Variants in NKD1 observed in about 807,000 individuals in gnomAD.
NKD1 encodes the protein NKD inhibitor of Wnt signaling pathway 1.
NKD1 carries 21 observed loss-of-function variants against 56.0 expected under a neutral mutation model. That is an observed-to-expected ratio of 0.38 (90% CI 0.27 to 0.54). The LOEUF (loss-of-function observed/expected upper bound fraction) is 0.54, where lower values mean the gene tolerates loss of function less well. Among genes scored for constraint, NKD1 ranks in the 20% least tolerant of loss-of-function variants. The pLI is 0.82. For synonymous variants in NKD1, 263 were observed against 265.7 expected, an observed-to-expected ratio of 0.99 and a Z score of 0.10; for missense variants, 578 against 642.7, an observed-to-expected ratio of 0.90 and a Z score of 1.09.
intron 3 of NKD1, among the ~76,000 whole-genome samples, chr16:50,592,590 C>T (rs962723477): frequency 2.0e-5 from 3 of 152,320 alleles, no homozygotes; most frequent in South Asian, 2.1e-4. Context: ...CGAGTTTAGC[C>T]GGCTGGGGAG....
At chr16:50,627,776 T>C (rs2151280342) in intron 6 of NKD1, among the ~76,000 whole-genome samples, 1 of 152,318 alleles carries the variant, frequency 6.6e-6, no homozygotes, top group Non-Finnish European at 1.5e-5. Flanking sequence ...AGGTTGATTT[T>C]CAAGCTAGAA....
intron 3 of NKD1, among the ~76,000 whole-genome samples, chr16:50,592,868 G>T (rs1304731554): frequency 6.6e-6 from 1 of 152,102 alleles, no homozygotes; most frequent in Non-Finnish European, 1.5e-5. Context: ...TGTAGGGACG[G>T]CATCCCTGGT....
chr16:50,611,798 T>C (rs1961854363), intron 4 of NKD1, among the ~76,000 whole-genome samples: 1 of 152,220 alleles, frequency 6.6e-6, no homozygotes. Flanking sequence ...GTGGCTCAAC[T>C]TCCTCACTGG....
At chr16:50,566,428 A>G (rs1596709554) in intron 3 of NKD1, among the ~76,000 whole-genome samples, 1 of 152,250 alleles carries the variant, frequency 6.6e-6, no homozygotes, top group African/African-American at 2.4e-5. Context: ...GCAAAAACCC[A>G]GGCGGAGCTC....
At chr16:50,571,067 C>T (rs1960872738) in intron 3 of NKD1, 1 of 911,226 alleles carries the variant, frequency 1.1e-6, no homozygotes, top group Non-Finnish European at 1.3e-6. Context: ...CCTGGGGCTG[C>T]CTTTGAAGGG....
At chr16:50,578,393 G>A (rs553105116) in intron 3 of NKD1, among the ~76,000 whole-genome samples, 194 of 152,154 alleles carry the variant, frequency 1.3e-3, no homozygotes, top group Non-Finnish European at 2.1e-3. Flanking sequence ...AGGAATATTT[G>A]GGGGCAGGTA....
chr16:50,548,908 C>G lies in NKD1; in HGVS notation c.58+159C>G, dbSNP rs1208665020. 13 of 856,532 alleles carry G rather than the reference C, an allele frequency of 1.5e-5. No individual in the cohort carries two copies. In the East Asian group the frequency reaches 1.5e-3, roughly 97 times the overall value. The allele number at this position is 856,532 out of a possible 1,614,324, so 53.1% of individuals were successfully genotyped here. A position where few individuals can be genotyped will look rare whatever the true frequency, so the allele number is the denominator to read the frequency against. Reference sequence around the variant, plus strand: ...CCCGCTCCCTGAGCAGCCTTCGCGCCCCCTCCTCTGTCCCTCCTACCCGCT... The same window carrying G: ...CCCGCTCCCTGAGCAGCCTTCGCGCGCCCTCCTCTGTCCCTCCTACCCGCT... On this transcript the variant is annotated intron_variant, in intron 2 of 9. Coordinates refer to ENST00000268459, the MANE Select transcript of NKD1 (RefSeq NM_033119.5).
chr16:50,628,239 T>G (rs1289478012), intron 6 of NKD1, among the ~76,000 whole-genome samples: 1 of 152,242 alleles, frequency 6.6e-6, no homozygotes, highest in Non-Finnish European at 1.5e-5. Context: ...TTCTGGCTTT[T>G]CTGTGTGACC....
At chr16:50,629,393 G>T (rs1463014561) in intron 6 of NKD1, among the ~76,000 whole-genome samples, 3 of 152,232 alleles carry the variant, frequency 2.0e-5, no homozygotes, top group African/African-American at 7.2e-5. Context: ...TTGCAAGTGA[G>T]TGGGGAGCCA....
chr16:50,548,531 C>T lies in NKD1; in HGVS notation c.-23C>T. ...GGGCCGGGCGCATGGCTTAGGGACG[C>T]TCCCGGCCGCCGCAGCCCCAGCATG... is the stretch of plus-strand genomic sequence containing the variant. On this transcript the variant is annotated 5_prime_UTR_variant, in exon 1 of 10. Transcript: ENST00000268459. 4 of 1,462,988 alleles carry T rather than the reference C, an allele frequency of 2.7e-6. No homozygotes were observed. The highest frequency in any genetic ancestry group is 3.6e-6 in the Non-Finnish European group (4 of 1,112,638). 90.6% of individuals were successfully genotyped at this position (1,462,988 alleles called of 1,614,324 possible).
At chr16:50,565,527 G>T (rs943832000) in intron 3 of NKD1, among the ~76,000 whole-genome samples, 9 of 151,860 alleles carry the variant, frequency 5.9e-5, no homozygotes, top group African/African-American at 2.2e-4. Flanking sequence ...AATAACAACA[G>T]TAACAACAAA....
Position 50,633,092 on chromosome 16 carries a change from C to G in NKD1, c.824-100C>G. 8.9e-7 allele frequency: 1 copy of G among 1,128,260 alleles called. No individual in the cohort carries two copies. The highest frequency in any genetic ancestry group is 3.2e-5 in the Admixed American group (1 of 31,410). 69.9% of individuals were successfully genotyped at this position (1,128,260 alleles called of 1,614,324 possible). A position where few individuals can be genotyped will look rare whatever the true frequency, so the allele number is the denominator to read the frequency against. On this transcript the variant is annotated intron_variant, in intron 9 of 9. Transcript: ENST00000268459. This position sits in a 1 kb window ranked among gnomAD's most constrained non-coding sequence, Gnocchi z 4.9. ...GCAGTCAGGGCATTGGGGGGTAGCT[C>G]TGGTTTTGGAGAACTGGGGGCGGGG...
intron 3 of NKD1, among the ~76,000 whole-genome samples, chr16:50,590,925 C>T (rs1961352896): frequency 6.6e-6 from 1 of 152,144 alleles, no homozygotes; most frequent in Non-Finnish European, 1.5e-5. Flanking sequence ...TCAAGTGATT[C>T]TTCTGCCTCA....
In NKD1 at chr16:50,633,441, T is replaced by C. The variant is rs752614757; in HGVS notation, c.1073T>C (p.Val358Ala). The C allele has an allele frequency of 1.2e-6, 2 of 1,610,548 alleles. No individual in the cohort carries two copies. Among genetic ancestry groups the C allele is most frequent in the South Asian group, 2.2e-5 (2 of 90,610 alleles). The change falls in exon 10 of 10, where the codon GTG becomes GCG. Residue 358 changes from valine (V) to alanine (A), a missense_variant. Val to Ala is a moderately conservative substitution (Grantham distance 64). Transcript: ENST00000268459. The surrounding 1 kb of genome is among the most constrained non-coding windows in gnomAD (Gnocchi z 4.9). ...AAGGCCCAGGGCAAGAGTGTGGGTG[T>C]GGGCCACGTGGCCAGAGGGGCAAGA... ...SPKAQGKSVG[V>A]GHVARGARNK...
At chr16:50,557,620 T>G (rs1960532124) in intron 3 of NKD1, 2 of 152,270 alleles carry the variant, frequency 1.3e-5, no homozygotes, top group Admixed American at 1.3e-4. Context: ...TCTTTGCTAA[T>G]GTGGTGTGTG....
chr16:50,627,551 C>T (rs1476162425), intron 6 of NKD1, among the ~76,000 whole-genome samples: 4 of 152,154 alleles, frequency 2.6e-5, no homozygotes, highest in Admixed American at 6.5e-5. Context: ...TTAGCCCTGA[C>T]GCCACCCCTC....
At position 50,623,671 on chromosome 16, in the gene NKD1, CTCAACTCATGTTTCTGAAGCTCAG is replaced by C. The variant is rs1962142761; in HGVS notation, c.367-1813_367-1790del. ...GACAGGTGGGACAAGTGGCCAGTTA[CTCAACTCATGTTTCTGAAGCTCAG>C]ACCCAAGCTGTCTTGGAAACAGGTA... On this transcript the variant is annotated intron_variant, in intron 5 of 9. Transcript: ENST00000268459. The surrounding 1 kb of genome is among the most constrained non-coding windows in gnomAD (Gnocchi z 4.1). Among the ~76,000 whole-genome samples, 5 of 151,856 alleles carry C rather than the reference CTCAACTCATGTTTCTGAAGCTCAG, an allele frequency of 3.3e-5. No homozygotes were observed. The highest frequency in any genetic ancestry group is 5.9e-5 in the Non-Finnish European group (4 of 68,006).
intron 3 of NKD1, among the ~76,000 whole-genome samples, chr16:50,593,568 C>CCTGA (rs1469877166): frequency 6.6e-6 from 1 of 152,160 alleles, no homozygotes; most frequent in East Asian, 1.9e-4. Context: ...TGTGCCCGGC[C>CCTGA]CTGACCAGTC....
At chr16:50,548,823 C>G (rs1368044827) in intron 2 of NKD1, 74 bp downstream of exon 2, 1 of 1,325,210 alleles carries the variant, frequency 7.5e-7, no homozygotes, top group Non-Finnish European at 9.6e-7. Flanking sequence ...CGGCCCAGCC[C>G]GCCAGGTCTT....
Sources: gnomAD v4.1 joint callset for allele counts (sites outside exome capture counted in the v4.1 genomes callset) on GRCh38, gnomAD v4.1.1 for gene constraint, Gnocchi (gnomAD v3.1) non-coding constraint, MANE v1.5 for transcripts, NCBI Gene and HGNC (gene_info 2026-07-23, HGNC 2026-07-21) for gene names.